The following TRPM3 variants were observed in gnomAD, a reference collection of about 807,000 sequenced individuals.
The protein encoded by TRPM3 is transient receptor potential cation channel subfamily M member 3.
A neutral mutation model predicts 181.2 loss-of-function variants in TRPM3; 77 were observed. That is an observed-to-expected ratio of 0.42 (90% confidence interval 0.35 to 0.51). The LOEUF is 0.51. Among genes scored for constraint, TRPM3 ranks in the 20% least tolerant of loss-of-function variants. The pLI is 0.01. For synonymous variants in TRPM3, 745 were observed against 796.4 expected (o/e 0.94, Z 1.09); for missense variants, 1,759 against 2,196.7 (o/e 0.80, Z 3.98).
At chr9:70,882,051 T>G (rs17471974) in intron 1 of TRPM3, among the ~76,000 whole-genome samples, 21,803 of 152,200 alleles carry the variant, frequency 0.14, 1,658 homozygotes, top group Middle Eastern at 0.18. Flanking sequence ...GCCAGAGCGT[T>G]AAGTAGCTGT....
At chr9:70,868,132 T>C (rs2095693527) in intron 1 of TRPM3, among the ~76,000 whole-genome samples, 1 of 152,084 alleles carries the variant, frequency 6.6e-6, no homozygotes, top group Non-Finnish European at 1.5e-5. Context: ...ATGGCTTCTA[T>C]GGCCCCCAGA....
intron 1 of TRPM3, among the ~76,000 whole-genome samples, chr9:71,159,926 A>G (rs1401209483): frequency 1.3e-5 from 2 of 152,124 alleles, no homozygotes; most frequent in Non-Finnish European, 2.9e-5. Context: ...GGAACTATTG[A>G]GTGTTTGGAG....
At chr9:71,277,617 T>C (rs540415777) in intron 1 of TRPM3, among the ~76,000 whole-genome samples, 1 of 152,146 alleles carries the variant, frequency 6.6e-6, no homozygotes, top group South Asian at 2.1e-4. Context: ...CAAAAGAGGC[T>C]CATTAGTCTG....
chr9:71,150,805 G>C (rs935756799), intron 1 of TRPM3, among the ~76,000 whole-genome samples: 2 of 151,982 alleles, frequency 1.3e-5, no homozygotes, highest in Non-Finnish European at 2.9e-5. Flanking sequence ...AAATTCTTAG[G>C]AAAGAATTTA....
intron 1 of TRPM3, among the ~76,000 whole-genome samples, chr9:71,372,343 T>C (rs1401949552): frequency 2.0e-5 from 3 of 152,202 alleles, no homozygotes; most frequent in Admixed American, 6.5e-5. Context: ...TTTGGGTATA[T>C]ACCCAGTAAT....
At chr9:71,408,317 G>A (rs2093475890) in intron 1 of TRPM3, among the ~76,000 whole-genome samples, 1 of 152,150 alleles carries the variant, frequency 6.6e-6, no homozygotes, top group Non-Finnish European at 1.5e-5. Context: ...AGCTAAGGGA[G>A]GATGTTTGAA....
At chr9:71,359,228 T>C (rs1010830595) in intron 1 of TRPM3, among the ~76,000 whole-genome samples, 1 of 152,218 alleles carries the variant, frequency 6.6e-6, no homozygotes, top group African/African-American at 2.4e-5. Context: ...CACAATCTGT[T>C]CGGTGAAGAG....
intron 5 of TRPM3, among the ~76,000 whole-genome samples, chr9:70,828,773 T>G (rs2093714247): frequency 6.6e-6 from 1 of 151,878 alleles, no homozygotes; most frequent in South Asian, 2.1e-4. Flanking sequence ...GTTATCTATA[T>G]TCCTTGCGAC....
In TRPM3 at chr9:70,743,041, T is replaced by C. The variant is rs1043995658; in HGVS notation, c.1272+18560A>G. 1.4e-4 allele frequency among the ~76,000 whole-genome samples: 22 copies of C among 152,122 alleles called. 1 individual carries two copies. The highest frequency in any genetic ancestry group is 4.4e-5 in the Non-Finnish European group (3 of 68,014). ...CTTCACACTATATCTGGAGGGTGGA[T>C]AGAGATGGAGAATTATAGGGAGAGG... On this transcript the variant is annotated intron_variant, in intron 8 of 25. Coordinates refer to ENST00000677713, the MANE Select transcript of TRPM3 (RefSeq NM_001366145.2).
intron 1 of TRPM3, among the ~76,000 whole-genome samples, chr9:70,979,221 T>G (rs2097337974): frequency 6.6e-6 from 1 of 152,184 alleles, no homozygotes; most frequent in Non-Finnish European, 1.5e-5. Flanking sequence ...CATTTGCCAT[T>G]CCATTGCCCG....
chr9:71,445,738 C>G (rs543687682), intron 1 of TRPM3, among the ~76,000 whole-genome samples: 4 of 152,232 alleles, frequency 2.6e-5, no homozygotes, highest in African/African-American at 9.6e-5. Context: ...AAAGTCTCTT[C>G]AATATACAAC....
chr9:70,699,477 T>C (rs902925737), intron 8 of TRPM3, among the ~76,000 whole-genome samples: 2 of 152,138 alleles, frequency 1.3e-5, no homozygotes, highest in African/African-American at 4.8e-5. Flanking sequence ...AGGCAACTTA[T>C]AAAAAATCAA....
At position 70,535,822 on chromosome 9, in the gene TRPM3, C is replaced by T; in HGVS notation, c.*131G>A. 6.7e-6 allele frequency: 10 copies of T among 1,502,960 alleles called. No individual in the cohort carries two copies. Among genetic ancestry groups the T allele is most frequent in the Non-Finnish European group, 8.8e-6 (10 of 1,133,770 alleles). 93.1% of individuals were successfully genotyped at this position (1,502,960 alleles called of 1,614,324 possible). On this transcript the variant is annotated 3_prime_UTR_variant, in exon 26 of 26. Coordinates refer to ENST00000677713, the MANE Select transcript of TRPM3 (RefSeq NM_001366145.2). Reference sequence around the variant, plus strand: ...CCAGAAGTCACCTTTGAGTTAACACCTCCCAAAGCATTGCTTGTTTTGCTC... The same window carrying T: ...CCAGAAGTCACCTTTGAGTTAACACTTCCCAAAGCATTGCTTGTTTTGCTC...
chr9:71,211,559 G>A (rs1246329847), intron 1 of TRPM3, among the ~76,000 whole-genome samples: 1 of 152,110 alleles, frequency 6.6e-6, no homozygotes, highest in Admixed American at 6.6e-5. Flanking sequence ...CAAGATCAGG[G>A]TGTTGTTGGG....
At chr9:71,163,389 G>C (rs1235373665) in intron 1 of TRPM3, among the ~76,000 whole-genome samples, 1 of 152,086 alleles carries the variant, frequency 6.6e-6, no homozygotes, top group Non-Finnish European at 1.5e-5. Flanking sequence ...TAGGGAGATG[G>C]AAATGGCAGG....
chr9:71,133,746 G>T (rs1294443789), intron 1 of TRPM3, among the ~76,000 whole-genome samples: 2 of 152,146 alleles, frequency 1.3e-5, no homozygotes, highest in East Asian at 3.9e-4. Flanking sequence ...TTATTTACAA[G>T]AAATTTTTAA....
At chr9:71,156,857 T>C (rs957093507) in intron 1 of TRPM3, among the ~76,000 whole-genome samples, 1 of 151,894 alleles carries the variant, frequency 6.6e-6, no homozygotes, top group Non-Finnish European at 1.5e-5. Context: ...CAAAGGAAAA[T>C]GAAGATAGCT....
chr9:71,248,808 A>T (rs1163670528), intron 1 of TRPM3, among the ~76,000 whole-genome samples: 1 of 152,192 alleles, frequency 6.6e-6, no homozygotes, highest in East Asian at 1.9e-4. Context: ...GAGCATCATG[A>T]TCATAAATAA....
intron 9 of TRPM3, among the ~76,000 whole-genome samples, chr9:70,676,884 A>G (rs1450073886): frequency 6.6e-6 from 1 of 152,024 alleles, no homozygotes; most frequent in Non-Finnish European, 1.5e-5. Flanking sequence ...AAGGCAGGTC[A>G]TAGAGACCAG....
Sources: gnomAD v4.1 joint callset for allele counts (sites outside exome capture counted in the v4.1 genomes callset) on GRCh38, gnomAD v4.1.1 for gene constraint, MANE v1.5 for transcripts, NCBI Gene and HGNC (gene_info 2026-07-23, HGNC 2026-07-21) for gene names.